The following SAE1 variants were observed in gnomAD, a reference collection of about 807,000 sequenced individuals.
The protein encoded by SAE1 is SUMO-activating enzyme subunit 1.
Under a neutral mutation model 40.6 loss-of-function variants are expected in SAE1, and 11 were observed. The observed-to-expected ratio is 0.27, with a 90% CI of 0.17 to 0.45. The LOEUF is 0.45. Ranked by LOEUF, SAE1 falls within the 20% of genes least tolerant of loss-of-function variation. The pLI is 1.00. For synonymous variants in SAE1, 155 were observed against 154.3 expected, an observed-to-expected ratio of 1.00 and a Z score of -0.03; for missense variants, 373 against 427.3, an observed-to-expected ratio of 0.87 and a Z score of 1.12.
intron 1 of SAE1, among the ~76,000 whole-genome samples, chr19:47,135,300 T>C (rs1419220513): frequency 1.3e-5 from 2 of 152,142 alleles, no homozygotes; most frequent in African/African-American, 4.8e-5. Context: ...TTTGTATCCA[T>C]TAGTCATCCC....
intron 8 of SAE1, among the ~76,000 whole-genome samples, chr19:47,204,902 C>A (rs538694599): frequency 6.6e-6 from 1 of 152,202 alleles, no homozygotes; most frequent in African/African-American, 2.4e-5. Flanking sequence ...CAGGATGACC[C>A]GTGACCCTGT....
chr19:47,197,734 A>G (rs550143031), intron 7 of SAE1, among the ~76,000 whole-genome samples: 1 of 152,298 alleles, frequency 6.6e-6, no homozygotes, highest in African/African-American at 2.4e-5. Context: ...GCTCCTTAGT[A>G]TTCTAGAGTG....
At chr19:47,141,755 C>T (rs893111889) in intron 1 of SAE1, among the ~76,000 whole-genome samples, 1 of 151,994 alleles carries the variant, frequency 6.6e-6, no homozygotes, top group Non-Finnish European at 1.5e-5. Flanking sequence ...CAAACTCTTA[C>T]CAGCAGAACT....
Position 47,173,885 on chromosome 19 carries a change from C to T in SAE1, c.733+3962C>T, listed in dbSNP as rs150459999. Among the ~76,000 whole-genome samples the T allele has an allele frequency of 3.3e-3, 502 of 151,528 alleles. 3 individuals carry two copies. Among genetic ancestry groups the T allele is most frequent in the African/African-American group, 0.011 (474 of 41,322 alleles). The stretch of plus-strand genomic sequence containing the variant: ...CTGCAAGCTCAGCCTCCTGGGTTCA[C>T]GCCATTCTCCTGCCTCAGCCTCCCG... On this transcript the variant is annotated intron_variant, in intron 6 of 8. Transcript: ENST00000270225.
At chr19:47,181,679 A>G (rs2058507232) in intron 6 of SAE1, among the ~76,000 whole-genome samples, 1 of 149,272 alleles carries the variant, frequency 6.7e-6, no homozygotes, top group Admixed American at 6.7e-5. Context: ...GGGTTTCGCC[A>G]TGTTAGCCAG....
chr19:47,135,330 AC>A (rs2058171928), intron 1 of SAE1, among the ~76,000 whole-genome samples: 2 of 151,920 alleles, frequency 1.3e-5, no homozygotes, highest in Admixed American at 1.3e-4. Context: ...TCCACCCCCC[AC>A]TACCCTTCCT....
chr19:47,185,576 G>A (rs943874008), intron 6 of SAE1, among the ~76,000 whole-genome samples: 6 of 152,004 alleles, frequency 3.9e-5, no homozygotes, highest in South Asian at 4.1e-4. Flanking sequence ...AAAGTGCTGG[G>A]ATTACAGGCT....
At chr19:47,147,616 C>T (rs1208376879) in intron 2 of SAE1, among the ~76,000 whole-genome samples, 1 of 150,702 alleles carries the variant, frequency 6.6e-6, no homozygotes. Context: ...CCACACCCGG[C>T]TAATTTTTGT....
chr19:47,205,278 C>T (rs1360779772), intron 8 of SAE1, among the ~76,000 whole-genome samples: 1 of 149,200 alleles, frequency 6.7e-6, no homozygotes, highest in East Asian at 2.0e-4. Flanking sequence ...ATTCTGGAGG[C>T]GTTTGGCTCA....
chr19:47,203,622 C>T (rs373026156), intron 7 of SAE1, 49 bp from the exon 8 acceptor site: 2 of 1,546,864 alleles, frequency 1.3e-6, no homozygotes, highest in Non-Finnish European at 1.8e-6. Flanking sequence ...ATGTCATGGT[C>T]ACAGTTCTGT....
At chr19:47,194,443 A>G (rs1157556557) in intron 6 of SAE1, among the ~76,000 whole-genome samples, 2 of 152,332 alleles carry the variant, frequency 1.3e-5, no homozygotes, top group East Asian at 1.9e-4. Context: ...GAATAAGTCT[A>G]CTTTTTCAAT....
At chr19:47,164,623 T>C (rs1376233916) in intron 5 of SAE1, among the ~76,000 whole-genome samples, 2 of 150,442 alleles carry the variant, frequency 1.3e-5, no homozygotes, top group Admixed American at 6.7e-5. Flanking sequence ...GTTGATGGGC[T>C]ATGTGGAGAA....
chr19:47,194,120 T>G (rs2058598267), intron 6 of SAE1, among the ~76,000 whole-genome samples: 1 of 152,166 alleles, frequency 6.6e-6, no homozygotes, highest in Admixed American at 6.5e-5. Context: ...CCTCCTCAGT[T>G]GTTCTCCCAC....
At chr19:47,205,320 CTTTTT>C (rs11291244) in intron 8 of SAE1, among the ~76,000 whole-genome samples, 2 of 129,244 alleles carry the variant, frequency 1.5e-5, no homozygotes, top group Non-Finnish European at 3.2e-5. Flanking sequence ...CCTAAGGCTA[CTTTTT>C]TTTTTTTTTT....
intron 4 of SAE1, among the ~76,000 whole-genome samples, chr19:47,154,018 G>A (rs892872002): frequency 6.6e-6 from 1 of 150,724 alleles, no homozygotes; most frequent in Non-Finnish European, 1.5e-5. Context: ...CTTGAACTCC[G>A]GACCTCAGGT....
intron 6 of SAE1, among the ~76,000 whole-genome samples, chr19:47,191,841 G>T (rs2058579928): frequency 6.6e-6 from 1 of 152,050 alleles, no homozygotes; most frequent in Admixed American, 6.6e-5. Flanking sequence ...CGATCACAAG[G>T]TCAGGAGATC....
At chr19:47,146,767 T>C (rs982611787) in intron 2 of SAE1, among the ~76,000 whole-genome samples, 2 of 152,172 alleles carry the variant, frequency 1.3e-5, no homozygotes, top group African/African-American at 4.8e-5. Context: ...CACCTCACTA[T>C]GGACCACTCT....
intron 6 of SAE1, among the ~76,000 whole-genome samples, chr19:47,185,447 G>C (rs2058538288): frequency 6.6e-6 from 1 of 151,942 alleles, no homozygotes; most frequent in Non-Finnish European, 1.5e-5. Flanking sequence ...TGGGATTACA[G>C]GTGCCCGCCA....
intron 6 of SAE1, among the ~76,000 whole-genome samples, chr19:47,188,656 T>C (rs189922536): frequency 1.3e-5 from 2 of 152,200 alleles, no homozygotes; most frequent in African/African-American, 4.8e-5. Context: ...TCATTTAATC[T>C]TTAAACCCCA....
Sources: gnomAD v4.1 joint callset for allele counts (sites outside exome capture counted in the v4.1 genomes callset) on GRCh38, gnomAD v4.1.1 for gene constraint, MANE v1.5 for transcripts, NCBI Gene and HGNC (gene_info 2026-07-23, HGNC 2026-07-21) for gene names.